Variants in SLC2A9 observed in about 807,000 individuals in gnomAD.
The protein encoded by SLC2A9 is solute carrier family 2 member 9.
A neutral mutation model predicts 50.6 loss-of-function variants in SLC2A9; 39 were observed. The observed-to-expected ratio is 0.77, with a 90% CI of 0.60 to 1.01. The LOEUF is 1.01. Ranked by LOEUF, SLC2A9 falls within the 50% of genes least tolerant of loss-of-function variation. SLC2A9 has a pLI of 0.00. For synonymous variants in SLC2A9, 324 were observed against 276.9 expected (o/e 1.17, Z -1.69); for missense variants, 686 against 677.6 (o/e 1.01, Z -0.14).
In SLC2A9 at chr4:9,996,764, G is replaced by C. The variant is rs541084168; in HGVS notation, c.410+17C>G. The C allele has an allele frequency of 1.9e-6, 3 of 1,612,808 alleles. No homozygotes were observed. Among genetic ancestry groups the C allele is most frequent in the African/African-American group, 2.7e-5 (2 of 75,022 alleles). On this transcript the variant is annotated intron_variant, in intron 3 of 11. Coordinates refer to ENST00000264784, the MANE Select transcript of SLC2A9 (RefSeq NM_020041.3). ...AACATGGAGGGCACCCCCAGATAGA[G>C]ACAGCCTCCTACTGACCTCCCAAGA...
intron 1 of SLC2A9, chr4:10,036,101 T>C: frequency 5.5e-6 from 1 of 181,926 alleles, no homozygotes; most frequent in South Asian, 1.4e-4. Flanking sequence ...ATCCCATCCA[T>C]CCATCCATCC....
intron 7 of SLC2A9, among the ~76,000 whole-genome samples, chr4:9,919,240 T>C (rs917567766): frequency 2.0e-5 from 3 of 152,148 alleles, no homozygotes; most frequent in African/African-American, 7.2e-5. Flanking sequence ...TCTCCCAGGA[T>C]CACTCAGTTA....
chr4:10,028,103 G>C (rs1006893903), intron 1 of SLC2A9, among the ~76,000 whole-genome samples: 1 of 152,144 alleles, frequency 6.6e-6, no homozygotes, highest in African/African-American at 2.4e-5. Context: ...GCTTTGACCA[G>C]GAACCCAGCT....
chr4:9,832,965 T>G (rs1726419523), intron 11 of SLC2A9, among the ~76,000 whole-genome samples: 1 of 152,178 alleles, frequency 6.6e-6, no homozygotes, highest in African/African-American at 2.4e-5. Flanking sequence ...TTCTCGGACA[T>G]ACAAATCTCA....
intron 5 of SLC2A9, among the ~76,000 whole-genome samples, chr4:9,959,524 A>C (rs1162013951): frequency 1.3e-5 from 2 of 152,176 alleles, no homozygotes; most frequent in Admixed American, 6.5e-5. Context: ...AATATGGTGG[A>C]ATTATCAAAT....
chr4:9,877,023 A>G (rs558552639), intron 10 of SLC2A9, among the ~76,000 whole-genome samples: 3 of 152,208 alleles, frequency 2.0e-5, no homozygotes, highest in East Asian at 3.9e-4. Flanking sequence ...TAATGTGCAT[A>G]TATTTATTCC....
chr4:9,798,083 C>G (rs1720816359), downstream of SLC2A9, among the ~76,000 whole-genome samples: 1 of 152,200 alleles, frequency 6.6e-6, no homozygotes, highest in African/African-American at 2.4e-5. Context: ...TTGTCCCTAT[C>G]CCCTCTTTGG....
At chr4:9,961,218 C>A (rs1376283055) in intron 5 of SLC2A9, among the ~76,000 whole-genome samples, 2 of 151,984 alleles carry the variant, frequency 1.3e-5, no homozygotes, top group African/African-American at 4.8e-5. Flanking sequence ...AGTGACCCAG[C>A]CAAAGCACAG....
chr4:9,985,965 C>T (rs1010603872), intron 3 of SLC2A9, among the ~76,000 whole-genome samples, 172 bp from the exon 4 acceptor site: 1 of 152,198 alleles, frequency 6.6e-6, no homozygotes, highest in African/African-American at 2.4e-5. Flanking sequence ...GGGTTCAGCC[C>T]TGGGGTCTAC....
chr4:9,828,532 T>C (rs1725509386), intron 11 of SLC2A9, among the ~76,000 whole-genome samples: 1 of 152,240 alleles, frequency 6.6e-6, no homozygotes. Flanking sequence ...CTTATTTCTC[T>C]GATCTTACTC....
chr4:9,984,876 C>A (rs985840251), intron 4 of SLC2A9, among the ~76,000 whole-genome samples: 2 of 152,228 alleles, frequency 1.3e-5, no homozygotes, highest in African/African-American at 4.8e-5. Context: ...GGCACAGGCA[C>A]ACAGTCCTCG....
At chr4:9,987,654 A>C (rs1209002778) in intron 3 of SLC2A9, among the ~76,000 whole-genome samples, 3 of 152,160 alleles carry the variant, frequency 2.0e-5, no homozygotes, top group African/African-American at 7.2e-5. Flanking sequence ...TATGGGACTC[A>C]GTTATGGCAG....
intron 5 of SLC2A9, among the ~76,000 whole-genome samples, chr4:9,946,471 C>T (rs145671808): frequency 2.5e-4 from 38 of 152,278 alleles, no homozygotes; most frequent in African/African-American, 8.9e-4. Flanking sequence ...CAAGGGAGCA[C>T]GGTGAGGGGG....
At chr4:10,010,696 C>T (rs1160949017) in intron 2 of SLC2A9, among the ~76,000 whole-genome samples, 5 of 152,166 alleles carry the variant, frequency 3.3e-5, no homozygotes, top group Admixed American at 2.0e-4. Flanking sequence ...CAAGCATTTC[C>T]CCCAAGCTAC....
chr4:9,849,343 G>T (rs1202111593), intron 10 of SLC2A9, among the ~76,000 whole-genome samples: 1 of 152,182 alleles, frequency 6.6e-6, no homozygotes, highest in Non-Finnish European at 1.5e-5. Context: ...CAAAAGGGAA[G>T]TTGTTTGTGA....
intron 8 of SLC2A9, among the ~76,000 whole-genome samples, chr4:9,902,118 G>T (rs1178657994): frequency 6.6e-6 from 1 of 151,772 alleles, no homozygotes; most frequent in African/African-American, 2.4e-5. Flanking sequence ...CCAGACAGCT[G>T]GGCTCACCTG....
At chr4:10,008,737 C>G (rs1327134060) in intron 2 of SLC2A9, among the ~76,000 whole-genome samples, 1 of 152,130 alleles carries the variant, frequency 6.6e-6, no homozygotes, top group African/African-American at 2.4e-5. Flanking sequence ...CATCTATTAG[C>G]TAGGTAGCCT....
At chr4:9,797,447 C>T (rs1157153367), downstream of SLC2A9, among the ~76,000 whole-genome samples, 2 of 152,172 alleles carry the variant, frequency 1.3e-5, no homozygotes, top group Non-Finnish European at 2.9e-5. Context: ...GGTATTAGAA[C>T]TGAGATGCAG....
chr4:9,969,200 T>C (rs1753508169), intron 5 of SLC2A9, among the ~76,000 whole-genome samples: 1 of 152,138 alleles, frequency 6.6e-6, no homozygotes, highest in Non-Finnish European at 1.5e-5. Flanking sequence ...TGATACTAGA[T>C]CTTCTTTCAG....
Sources: gnomAD v4.1 joint callset for allele counts (sites outside exome capture counted in the v4.1 genomes callset) on GRCh38, gnomAD v4.1.1 for gene constraint, MANE v1.5 for transcripts, NCBI Gene and HGNC (gene_info 2026-07-23, HGNC 2026-07-21) for gene names.